Variants in ZNF561 observed in about 807,000 individuals in gnomAD.
The protein encoded by ZNF561 is zinc finger protein 561.
In ZNF561, 16 loss-of-function variants were observed where a neutral mutation model predicts 16.7. That is an observed-to-expected ratio of 0.96 (90% CI 0.65 to 1.45). ZNF561 has a LOEUF of 1.45. ZNF561 is among the 40% of genes most tolerant of loss of function. ZNF561 has a pLI of 0.00. For missense variants in ZNF561, 580 were observed against 578.0 expected, an observed-to-expected ratio of 1.00 and a Z score of -0.04; for synonymous variants, 190 against 192.1, an observed-to-expected ratio of 0.99 and a Z score of 0.09.
At position 9,609,312 on chromosome 19, in the gene ZNF561, T is replaced by C. The variant is rs928177911; in HGVS notation, c.*888A>G. 3.2e-4 allele frequency: 49 copies of C among 152,346 alleles called. No individual in the cohort carries two copies. The highest frequency in any genetic ancestry group is 1.2e-3 in the African/African-American group (48 of 41,582). 9.4% of individuals were successfully genotyped at this position (152,346 alleles called of 1,614,324 possible). A position where few individuals can be genotyped will look rare whatever the true frequency, so the allele number is the denominator to read the frequency against. ...ATTCCCACTCTGCACTCTATTTCTG[T>C]GTCTTTGTCTTAATTCCTCTAGAGC... On this transcript the variant is annotated 3_prime_UTR_variant, in exon 6 of 6. Transcript: ENST00000302851.
At chr19:9,619,298 T>C (rs2144906959) in intron 2 of ZNF561, 134 bp downstream of exon 2, 1 of 593,720 alleles carries the variant, frequency 1.7e-6, no homozygotes, top group Non-Finnish European at 2.8e-6. Context: ...AACAGCATTC[T>C]GTTCTGTGGT....
At chr19:9,616,400 C>T (rs1284494028) in intron 4 of ZNF561, among the ~76,000 whole-genome samples, 5 of 152,076 alleles carry the variant, frequency 3.3e-5, no homozygotes, top group African/African-American at 4.8e-5. Flanking sequence ...CCTGTCTCAG[C>T]CTCCCAAGTA....
At chr19:9,613,845 C>G (rs1044873394) in intron 5 of ZNF561, among the ~76,000 whole-genome samples, 176 bp downstream of exon 5, 1 of 152,098 alleles carries the variant, frequency 6.6e-6, no homozygotes, top group Non-Finnish European at 1.5e-5. Context: ...TGGGATCTTA[C>G]TATACTGCCT....
chr19:9,611,436 C>G, intron 5 of ZNF561, 100 bp from the exon 6 acceptor site: 1 of 1,255,698 alleles, frequency 8.0e-7, no homozygotes, highest in South Asian at 2.1e-5. Context: ...TATGATTTTA[C>G]TTTTTAATAT....
chr19:9,611,340 TTGA>T lies in ZNF561; in HGVS notation c.325-7_325-5del. 1 of 1,598,502 alleles carries T rather than the reference TTGA, an allele frequency of 6.3e-7. No individual in the cohort carries two copies. Among genetic ancestry groups the T allele is most frequent in the Non-Finnish European group, 8.5e-7 (1 of 1,170,430 alleles). On this transcript the variant is annotated splice_polypyrimidine_tract_variant and splice_region_variant and intron_variant, in intron 5 of 5. Transcript: ENST00000302851. ...TCCATCCACTGTAGCCTCTTGTCTG[TTGA>T]TGACGAGATAAAGGTTTTAAAACAT...
At position 9,610,141 on chromosome 19, in the gene ZNF561, A is replaced by G; in HGVS notation, c.*59T>C. 6.9e-7 allele frequency: 1 copy of G among 1,448,416 alleles called. No homozygotes were observed. The highest frequency in any genetic ancestry group is 9.3e-7 in the Non-Finnish European group (1 of 1,079,560). 89.7% of individuals were successfully genotyped at this position (1,448,416 alleles called of 1,614,324 possible). A position where few individuals can be genotyped will look rare whatever the true frequency, so the allele number is the denominator to read the frequency against. On this transcript the variant is annotated 3_prime_UTR_variant, in exon 6 of 6. Transcript: ENST00000302851. ...TCATTACAACCTCCAAAAGGCATTT[A>G]GGACAAATCTGATAATCTTTGGTGT...
At chr19:9,613,936 A>G in intron 5 of ZNF561, 85 bp downstream of exon 5, 1 of 1,532,856 alleles carries the variant, frequency 6.5e-7, no homozygotes, top group Non-Finnish European at 9.0e-7. Context: ...TGTAAGCCAC[A>G]CCTCTGACTG....
intron 3 of ZNF561, chr19:9,617,691 A>C (rs1224128221): frequency 4.4e-6 from 2 of 457,146 alleles, no homozygotes; most frequent in Admixed American, 2.3e-5. Context: ...TCTCAGCACA[A>C]CCAGGCTAGG....
Position 9,610,262 on chromosome 19 carries a change from G to A in ZNF561, c.1399C>T (p.His467Tyr). The A allele has an allele frequency of 6.2e-7, 1 of 1,613,372 alleles. No homozygotes were observed. The highest frequency in any genetic ancestry group is 8.5e-7 in the Non-Finnish European group (1 of 1,179,596). The part of the protein sequence containing the change: ...AFAVSSRLSR[H>Y]ERIHTGEKPY... ...TTCTCCCCAGTGTGAATTCTTTCATGTCTACTTAGGCGTGAGGAAACAGCA... is the reference window on the plus strand; with the variant it reads ...TTCTCCCCAGTGTGAATTCTTTCATATCTACTTAGGCGTGAGGAAACAGCA... Residue 467 changes from histidine (H) to tyrosine (Y), a missense_variant, in exon 6 of 6, where the codon CAT (histidine) becomes TAT (tyrosine). Physicochemically the swap from His to Tyr is moderately conservative, Grantham distance 83. Coordinates refer to ENST00000302851, the MANE Select transcript of ZNF561 (RefSeq NM_152289.3).
rs2074387509 is a variant in ZNF561, at chr19:9,608,361, C to T, written c.*1839G>A. The T allele has an allele frequency of 6.6e-6, 1 of 151,974 alleles. No individual in the cohort carries two copies. The highest frequency in any genetic ancestry group is 2.1e-4 in the South Asian group (1 of 4,816). The allele number at this position is 151,974 out of a possible 1,614,324, so 9.4% of individuals were successfully genotyped here. A position where few individuals can be genotyped will look rare whatever the true frequency, so the allele number is the denominator to read the frequency against. On this transcript the variant is annotated 3_prime_UTR_variant, in exon 6 of 6. Coordinates refer to ENST00000302851, the MANE Select transcript of ZNF561 (RefSeq NM_152289.3). ...TCCTGTGAAGACATGAGGAAGTGGG[C>T]ATTTACATACCAGGAAGAGAGCTCT...
At chr19:9,614,883 C>G (rs561778790) in intron 4 of ZNF561, among the ~76,000 whole-genome samples, 2 of 150,434 alleles carry the variant, frequency 1.3e-5, no homozygotes, top group South Asian at 4.2e-4. Flanking sequence ...CTGTCACCCA[C>G]ACTGGAGCGC....
At chr19:9,612,958 G>A (rs957542727) in intron 5 of ZNF561, among the ~76,000 whole-genome samples, 1 of 151,914 alleles carries the variant, frequency 6.6e-6, no homozygotes, top group Non-Finnish European at 1.5e-5. Flanking sequence ...AACACGCCCT[G>A]CTAATTTTTT....
At position 9,611,284 on chromosome 19, in the gene ZNF561, A is replaced by C. The variant is rs746153062; in HGVS notation, c.377T>G (p.Val126Gly). 2 of 1,613,608 alleles carry C rather than the reference A, an allele frequency of 1.2e-6. No homozygotes were observed. Among genetic ancestry groups the C allele is most frequent in the African/African-American group, 2.7e-5 (2 of 74,842 alleles). The change falls in exon 6 of 6, where the codon GTC becomes GGC. Residue 126 changes from valine (V) to glycine (G), a missense_variant. By Grantham distance (109) the Val-to-Gly change is moderately radical (BLOSUM62 -3). Coordinates refer to ENST00000302851, the MANE Select transcript of ZNF561 (RefSeq NM_152289.3). ...CTTAAGGCAAAACTGTTCCCTGAAGACCTCTCCACAATTCTTACAGTCACA... is the reference window on the plus strand; with the variant it reads ...CTTAAGGCAAAACTGTTCCCTGAAGCCCTCTCCACAATTCTTACAGTCACA... ...KLCDCKNCGE[V>G]FREQFCLKTH...
chr19:9,616,355 C>T (rs2074553837), intron 4 of ZNF561, among the ~76,000 whole-genome samples: 1 of 152,064 alleles, frequency 6.6e-6, no homozygotes, highest in Admixed American at 6.6e-5. Flanking sequence ...AATCTCAGCT[C>T]ACTGCAACTT....
chr19:9,618,701 G>C (rs1485679782), intron 2 of ZNF561, among the ~76,000 whole-genome samples: 1 of 152,004 alleles, frequency 6.6e-6, no homozygotes, highest in Non-Finnish European at 1.5e-5. Context: ...ACTCTAGCCT[G>C]GGTGACAGAG....
At chr19:9,612,142 G>A (rs868443232) in intron 5 of ZNF561, among the ~76,000 whole-genome samples, 125 of 152,158 alleles carry the variant, frequency 8.2e-4, no homozygotes, top group African/African-American at 2.9e-3. Flanking sequence ...TGGCCAGGCT[G>A]GTTTTGAACC....
At chr19:9,617,704 C>T in intron 3 of ZNF561, 1 of 457,412 alleles carries the variant, frequency 2.2e-6, no homozygotes, top group Middle Eastern at 3.2e-4. Flanking sequence ...AGGCTAGGAG[C>T]TCTTCCTGTC....
chr19:9,611,058 T>G lies in ZNF561; in HGVS notation c.603A>C (p.Glu201Asp), dbSNP rs770608164. The G allele has an allele frequency of 1.9e-6, 3 of 1,614,178 alleles. No individual in the cohort carries two copies. Among genetic ancestry groups the G allele is most frequent in the South Asian group, 2.2e-5 (2 of 91,088 alleles). ...CAAAATACTTAAAGCCTTTTCCACATTCCTTACATTTGTAGGGTTGTCTTG... is the reference window on the plus strand; with the variant it reads ...CAAAATACTTAAAGCCTTTTCCACAGTCCTTACATTTGTAGGGTTGTCTTG... ...LNARQPYKCK[E>D]CGKGFKYFAS... Residue 201 changes from glutamate to aspartate, a missense_variant, in exon 6 of 6, where the codon GAA (glutamate) becomes GAC (aspartate). Glu to Asp is a conservative substitution (Grantham distance 45, BLOSUM62 2). Transcript: ENST00000302851.
In ZNF561 at chr19:9,610,437, A is replaced by G; in HGVS notation, c.1224T>C (p.Arg408=). The change falls in exon 6 of 6, where the codon CGT becomes CGC. Residue 408 remains arginine (R), a synonymous_variant. Transcript: ENST00000302851. ...CACTATGAGTTTTCAAATGTTTACT[A>G]CGACGGGAAGAAGTAATGAAGGTCT... ...CGKTFITSSR[R]SKHLKTHSGE... is the part of the protein sequence containing the mutation. 3 of 1,611,818 alleles carry G rather than the reference A, an allele frequency of 1.9e-6. No homozygotes were observed. The highest frequency in any genetic ancestry group is 1.7e-6 in the Non-Finnish European group (2 of 1,178,292).
Sources: gnomAD v4.1 joint callset for allele counts (sites outside exome capture counted in the v4.1 genomes callset) on GRCh38, gnomAD v4.1.1 for gene constraint, MANE v1.5 for transcripts, NCBI Gene and HGNC (gene_info 2026-07-23, HGNC 2026-07-21) for gene names.